NOL4: variants seen among roughly 807,000 people sequenced by gnomAD.
The protein encoded by NOL4 is cancer/testis antigen 125.
Under a neutral mutation model 75.9 loss-of-function variants are expected in NOL4, and 17 were observed. That is an observed-to-expected ratio of 0.22 (90% confidence interval 0.15 to 0.34). The LOEUF (loss-of-function observed/expected upper bound fraction) is 0.34, where lower values mean the gene tolerates loss of function less well. Ranked by LOEUF, NOL4 falls within the 10% of genes least tolerant of loss-of-function variation. The pLI, the probability that NOL4 is intolerant of heterozygous loss-of-function variation, is 1.00. For missense variants in NOL4, 614 were observed against 793.5 expected (o/e 0.77, Z 2.72); for synonymous variants, 292 against 289.9 (o/e 1.01, Z -0.07).
At chr18:33,880,252 T>C (rs1567996827) in intron 10 of NOL4, among the ~76,000 whole-genome samples, 1 of 151,976 alleles carries the variant, frequency 6.6e-6, no homozygotes, top group Non-Finnish European at 1.5e-5. Flanking sequence ...AGCTAATACA[T>C]TTTCCAGTTA....
intron 1 of NOL4, among the ~76,000 whole-genome samples, chr18:34,165,673 GAA>G (rs2032238995): frequency 6.6e-6 from 1 of 152,002 alleles, no homozygotes; most frequent in Admixed American, 6.6e-5. Context: ...AAGGAGACTA[GAA>G]AAAGTTAAGA....
chr18:34,058,874 A>T (rs1600431898), intron 5 of NOL4, among the ~76,000 whole-genome samples: 1 of 151,934 alleles, frequency 6.6e-6, no homozygotes, highest in African/African-American at 2.4e-5. Context: ...TTTTTCTCAA[A>T]TCCTTTTCCA....
chr18:33,959,224 T>A (rs1235310302), intron 6 of NOL4, among the ~76,000 whole-genome samples: 1 of 152,162 alleles, frequency 6.6e-6, no homozygotes, highest in Admixed American at 6.6e-5. Context: ...CATTTTCACA[T>A]GAAACAGCTG....
At chr18:33,905,282 T>C (rs79124915) in intron 9 of NOL4, among the ~76,000 whole-genome samples, 2,489 of 152,182 alleles carry the variant, frequency 0.016, 68 homozygotes, top group African/African-American at 0.057. Flanking sequence ...CTTAAAGACT[T>C]GGAAAGAAAA....
chr18:34,057,837 T>C (rs971204264), intron 5 of NOL4, among the ~76,000 whole-genome samples: 5 of 152,202 alleles, frequency 3.3e-5, no homozygotes, highest in Non-Finnish European at 7.3e-5. Context: ...TTACACAGTG[T>C]AAGTTACTAA....
chr18:34,022,516 A>G (rs774936546), intron 5 of NOL4, among the ~76,000 whole-genome samples: 2 of 152,086 alleles, frequency 1.3e-5, no homozygotes, highest in Non-Finnish European at 2.9e-5. Context: ...AAATGTGTGC[A>G]TGTTCTTTTT....
intron 9 of NOL4, among the ~76,000 whole-genome samples, chr18:33,887,039 T>G: frequency 7.4e-6 from 1 of 136,038 alleles, no homozygotes; most frequent in East Asian, 2.0e-4. Flanking sequence ...AGATATATTA[T>G]ATCTAGATCT....
intron 5 of NOL4, among the ~76,000 whole-genome samples, chr18:34,059,554 A>G (rs2076985667): frequency 6.6e-6 from 1 of 152,128 alleles, no homozygotes; most frequent in Non-Finnish European, 1.5e-5. Context: ...CCTTGTGTAT[A>G]TTGTAAACAC....
chr18:33,883,130 G>T, intron 10 of NOL4, 114 bp downstream of exon 10: 1 of 690,126 alleles, frequency 1.4e-6, no homozygotes, highest in Non-Finnish European at 2.3e-6. Flanking sequence ...TGGGTGCAGC[G>T]CACCAGCATG....
chr18:34,117,192 G>A (rs573941322), intron 2 of NOL4, among the ~76,000 whole-genome samples: 21 of 152,040 alleles, frequency 1.4e-4, no homozygotes, highest in South Asian at 2.1e-4. Flanking sequence ...ACAGTCCCAC[G>A]AATAGATTAC....
intron 9 of NOL4, among the ~76,000 whole-genome samples, chr18:33,942,755 C>T (rs1158753927): frequency 6.6e-6 from 1 of 151,760 alleles, no homozygotes; most frequent in Non-Finnish European, 1.5e-5. Context: ...GGTAAATTTA[C>T]AAAGCTGTTG....
intron 5 of NOL4, among the ~76,000 whole-genome samples, chr18:34,069,662 A>G (rs1370140831): frequency 6.6e-6 from 1 of 152,212 alleles, no homozygotes; most frequent in East Asian, 1.9e-4. Flanking sequence ...AACATGACTG[A>G]GAGACTAAAT....
intron 9 of NOL4, among the ~76,000 whole-genome samples, chr18:33,887,115 C>CTA (rs966727262): frequency 7.3e-6 from 1 of 137,170 alleles, no homozygotes; most frequent in Non-Finnish European, 1.5e-5. Context: ...ATCTCTGTAT[C>CTA]TATATATATT....
At chr18:34,192,755 G>A (rs1431519367) in intron 1 of NOL4, among the ~76,000 whole-genome samples, 1 of 152,194 alleles carries the variant, frequency 6.6e-6, no homozygotes, top group African/African-American at 2.4e-5. Context: ...CAATGCAACA[G>A]TGTTGAGAGG....
intron 9 of NOL4, among the ~76,000 whole-genome samples, chr18:33,914,208 T>A (rs1021631827): frequency 6.6e-6 from 1 of 152,046 alleles, no homozygotes; most frequent in Non-Finnish European, 1.5e-5. Context: ...AAGGTGGTTT[T>A]TGAGTAAAGA....
intron 10 of NOL4, among the ~76,000 whole-genome samples, chr18:33,876,552 T>C (rs1277268268): frequency 1.3e-5 from 2 of 152,116 alleles, no homozygotes; most frequent in African/African-American, 4.8e-5. Flanking sequence ...TTCTGTTATG[T>C]CCTTTTTAGC....
At chr18:33,882,100 C>T (rs553902948) in intron 10 of NOL4, among the ~76,000 whole-genome samples, 2 of 152,232 alleles carry the variant, frequency 1.3e-5, no homozygotes, top group South Asian at 4.1e-4. Flanking sequence ...ACCATAAAAA[C>T]CCTAGAAGAA....
chr18:34,086,199 C>G (rs1315439300), intron 5 of NOL4, among the ~76,000 whole-genome samples: 3 of 151,866 alleles, frequency 2.0e-5, no homozygotes, highest in African/African-American at 7.3e-5. Flanking sequence ...TATTTTAAGT[C>G]CAGAAGTGTA....
At chr18:34,187,226 T>G (rs545350808) in intron 1 of NOL4, among the ~76,000 whole-genome samples, 175 of 152,242 alleles carry the variant, frequency 1.1e-3, no homozygotes, top group African/African-American at 3.8e-3. Flanking sequence ...CCACTGATAC[T>G]TTTTCTGTTT....
Sources: gnomAD v4.1 joint callset for allele counts (sites outside exome capture counted in the v4.1 genomes callset) on GRCh38, gnomAD v4.1.1 for gene constraint, MANE v1.5 for transcripts, NCBI Gene and HGNC (gene_info 2026-07-23, HGNC 2026-07-21) for gene names.